CCSER1: variants seen among roughly 807,000 people sequenced by gnomAD.
The protein encoded by CCSER1 is coiled-coil serine rich protein 1, also known as serine-rich coiled-coil domain-containing protein 1.
Under a neutral mutation model 82.0 loss-of-function variants are expected in CCSER1, and 41 were observed. The observed-to-expected ratio is 0.50, with a 90% CI of 0.39 to 0.65. The LOEUF (loss-of-function observed/expected upper bound fraction) is 0.65. Ranked by LOEUF, CCSER1 falls within the 30% of genes least tolerant of loss-of-function variation. CCSER1 has a pLI of 0.00. For missense variants in CCSER1, 1,119 were observed against 1,064.2 expected (o/e 1.05, Z -0.72); for synonymous variants, 414 against 383.9 (o/e 1.08, Z -0.92).
intron 1 of CCSER1, among the ~76,000 whole-genome samples, chr4:90,228,648 A>G (rs1163822454): frequency 1.3e-5 from 2 of 152,248 alleles, no homozygotes; most frequent in East Asian, 3.8e-4. Flanking sequence ...TGAGAGAAGA[A>G]GGCTTCAGAT....
chr4:91,095,386 C>T (rs567338701), intron 10 of CCSER1, among the ~76,000 whole-genome samples: 1 of 152,262 alleles, frequency 6.6e-6, no homozygotes, highest in South Asian at 2.1e-4. Context: ...TTTCCCTGCC[C>T]TTTGGGGGGG....
chr4:91,462,967 T>C (rs1179988505), intron 10 of CCSER1, among the ~76,000 whole-genome samples: 1 of 152,170 alleles, frequency 6.6e-6, no homozygotes, highest in Non-Finnish European at 1.5e-5. Flanking sequence ...CAGAAACTTC[T>C]GCAGACTTAA....
intron 10 of CCSER1, among the ~76,000 whole-genome samples, chr4:91,549,921 G>A (rs960768643): frequency 1.4e-5 from 2 of 146,188 alleles, no homozygotes; most frequent in African/African-American, 2.5e-5. Context: ...TTTTGTCATT[G>A]CTGCTTTTTT....
intron 10 of CCSER1, among the ~76,000 whole-genome samples, chr4:91,292,655 G>A (rs1436256261): frequency 2.0e-5 from 3 of 151,978 alleles, no homozygotes; most frequent in African/African-American, 7.2e-5. Flanking sequence ...TGATATGAAT[G>A]GCAAGCCCTT....
chr4:90,330,873 A>T (rs1000255128), intron 3 of CCSER1, among the ~76,000 whole-genome samples: 1 of 152,148 alleles, frequency 6.6e-6, no homozygotes, highest in Non-Finnish European at 1.5e-5. Flanking sequence ...GATTCAGTGC[A>T]GTGGGGTTGA....
intron 10 of CCSER1, among the ~76,000 whole-genome samples, chr4:91,179,973 T>A (rs1315566364): frequency 6.6e-6 from 1 of 152,240 alleles, no homozygotes; most frequent in Non-Finnish European, 1.5e-5. Context: ...GATGGTGATG[T>A]ACAGATGGGG....
chr4:90,276,956 C>T (rs1393839759), intron 1 of CCSER1, among the ~76,000 whole-genome samples: 1 of 151,998 alleles, frequency 6.6e-6, no homozygotes, highest in East Asian at 1.9e-4. Flanking sequence ...GGTTTTGCAT[C>T]CTGAAACATT....
chr4:91,322,338 C>T (rs1019599418), intron 10 of CCSER1, among the ~76,000 whole-genome samples: 1 of 151,988 alleles, frequency 6.6e-6, no homozygotes, highest in African/African-American at 2.4e-5. Flanking sequence ...ACAATTGTAA[C>T]TATCTGAGTC....
chr4:91,048,814 A>G (rs1742744989), intron 9 of CCSER1, among the ~76,000 whole-genome samples: 1 of 152,140 alleles, frequency 6.6e-6, no homozygotes, highest in South Asian at 2.1e-4. Flanking sequence ...ATCCATTCCA[A>G]ACTCTCTGAA....
chr4:90,300,944 G>T (rs1732974471), intron 1 of CCSER1, among the ~76,000 whole-genome samples: 1 of 152,136 alleles, frequency 6.6e-6, no homozygotes, highest in African/African-American at 2.4e-5. Flanking sequence ...TCCCACTTCA[G>T]CCTTCCAGGT....
At chr4:90,238,063 C>T (rs1327041587) in intron 1 of CCSER1, among the ~76,000 whole-genome samples, 1 of 152,142 alleles carries the variant, frequency 6.6e-6, no homozygotes, top group East Asian at 1.9e-4. Context: ...GGGCTAGGTG[C>T]TGGTAATGAG....
chr4:91,551,969 T>A lies in CCSER1; in HGVS notation c.2218-46603T>A, dbSNP rs899220463. ...AGGGAGGGGAAAAATGCTGTGGCAG[T>A]TTGAATTTTGACAAATTTCAATGTA... On this transcript the variant is annotated intron_variant, in intron 10 of 10. Transcript: ENST00000509176. Among the ~76,000 whole-genome samples the A allele has an allele frequency of 7.2e-5, 11 of 151,806 alleles. 1 individual carries two copies. The highest frequency in any genetic ancestry group is 2.7e-4 in the African/African-American group (11 of 41,246).
chr4:91,398,061 AT>A lies in CCSER1; in HGVS notation c.2218-200503del, dbSNP rs566885882. ...ATTACCTAGGTAGCAATGAGTAATT[AT>A]TTTTTTTAAAACTTTTTGGGTCTCA... On this transcript the variant is annotated intron_variant, in intron 10 of 10. Transcript: ENST00000509176. 1.4e-3 allele frequency among the ~76,000 whole-genome samples: 216 copies of A among 151,948 alleles called. 3 individuals carry two copies. The highest frequency in any genetic ancestry group is 4.1e-3 in the Admixed American group (63 of 15,184).
At chr4:91,179,675 A>G (rs987470330) in intron 10 of CCSER1, among the ~76,000 whole-genome samples, 1 of 152,154 alleles carries the variant, frequency 6.6e-6, no homozygotes. Flanking sequence ...TGTCTTCTGT[A>G]TGCTTTTTAT....
chr4:91,047,574 G>A (rs772173124), intron 9 of CCSER1, among the ~76,000 whole-genome samples: 13 of 151,958 alleles, frequency 8.6e-5, no homozygotes, highest in South Asian at 2.1e-4. Flanking sequence ...GCAATTCTTG[G>A]CTCTGGTTTT....
rs1033141478 is a variant in CCSER1 at position 90,781,263 on chromosome 4, C to T, written c.2011-34499C>T. 1.2e-5 allele frequency: 12 copies of T among 984,604 alleles called. No individual in the cohort carries two copies. The African/African-American group carries it at 2.1e-4, about 17-fold the overall frequency. 61.0% of individuals were successfully genotyped at this position (984,604 alleles called of 1,614,324 possible). ...GAATCTGGAATAGAAAGAGTATGCACCATAACACTTTTATTCTCTACAGAA... is the reference window on the plus strand; with the variant it reads ...GAATCTGGAATAGAAAGAGTATGCATCATAACACTTTTATTCTCTACAGAA... On this transcript the variant is annotated intron_variant, in intron 7 of 10. Transcript: ENST00000509176.
At chr4:90,781,248 T>C (rs556932234) in intron 7 of CCSER1, 1,280 of 984,126 alleles carry the variant, frequency 1.3e-3, no homozygotes, top group Non-Finnish European at 1.5e-3. Context: ...GAATCTGGAA[T>C]AGAAAGAGTA....
intron 10 of CCSER1, chr4:91,325,060 A>G: frequency 2.4e-6 from 1 of 408,876 alleles, no homozygotes; most frequent in Admixed American, 3.0e-5. Context: ...CCTGTGGGGC[A>G]AGGGGCTTGG....
At chr4:91,164,519 G>T (rs1731813671) in intron 10 of CCSER1, among the ~76,000 whole-genome samples, 1 of 152,170 alleles carries the variant, frequency 6.6e-6, no homozygotes, top group African/African-American at 2.4e-5. Flanking sequence ...ATATCCTGGA[G>T]AGTGTTTTTC....
Sources: allele counts gnomAD v4.1 joint callset (sites outside exome capture counted in the v4.1 genomes callset), GRCh38; gene constraint gnomAD v4.1.1; transcripts MANE v1.5; gene names NCBI Gene and HGNC (gene_info 2026-07-23, HGNC 2026-07-21).